The following DAPK1 variants were observed in gnomAD, a reference collection of about 807,000 sequenced individuals.
The protein encoded by DAPK1 is death associated protein kinase 1, also known as death-associated protein kinase 1.
DAPK1 carries 56 observed loss-of-function variants against 144.9 expected under a neutral mutation model. The observed-to-expected ratio is 0.39, with a 90% CI of 0.31 to 0.48. The LOEUF is 0.48. Among genes scored for constraint, DAPK1 ranks in the 20% least tolerant of loss-of-function variants. The probability of loss-of-function intolerance (pLI) is 0.95; values close to 1 mark genes in which losing one functional copy is unlikely to be tolerated. For missense variants in DAPK1, 1,454 were observed against 1,875.4 expected (o/e 0.78, Z 4.15); for synonymous variants, 690 against 749.0 (o/e 0.92, Z 1.29).
intron 2 of DAPK1, among the ~76,000 whole-genome samples, chr9:87,578,234 C>A (rs1408643896): frequency 6.6e-6 from 1 of 152,104 alleles, no homozygotes. Flanking sequence ...TCTATATGTC[C>A]TTTTTAATAG....
chr9:87,623,286 T>A (rs1420348771), intron 3 of DAPK1, among the ~76,000 whole-genome samples: 1 of 152,360 alleles, frequency 6.6e-6, no homozygotes, highest in Non-Finnish European at 1.5e-5. Flanking sequence ...TTTTCACTTA[T>A]GAATGAAAGT....
At chr9:87,589,055 A>ATT (rs35875159) in intron 2 of DAPK1, among the ~76,000 whole-genome samples, 2,703 of 101,094 alleles carry the variant, frequency 0.027, 104 homozygotes, top group African/African-American at 0.1. Flanking sequence ...CGCCCGGCTA[A>ATT]TTTTTTTTTT....
rs1824451700 is a variant in DAPK1 at position 87,677,787 on chromosome 9, TGGGTATAGC to T, written c.2002-3616_2002-3608del. ...TCAGGTGCTCATGCATGGCATGGTG[TGGGTATAGC>T]CTTGGACTCACAAGGAAGACCCAGG... On this transcript the variant is annotated intron_variant, in intron 19 of 25. Transcript: ENST00000408954. Among the ~76,000 whole-genome samples, 3 of 152,270 alleles carry T rather than the reference TGGGTATAGC, an allele frequency of 2.0e-5. No individual in the cohort carries two copies. In the South Asian group the frequency reaches 6.2e-4, roughly 32 times the overall value.
In DAPK1 at chr9:87,706,537, A is replaced by C; in HGVS notation, c.3466A>C (p.Ile1156Leu). 1 of 1,614,052 alleles carries C rather than the reference A, an allele frequency of 6.2e-7. No individual in the cohort carries two copies. Among genetic ancestry groups the C allele is most frequent in the East Asian group, 2.2e-5 (1 of 44,860 alleles). The change falls in exon 26 of 26, where the codon ATC becomes CTC. Residue 1156 changes from isoleucine (I) to leucine (L), a missense_variant. Ile to Leu is a conservative substitution (Grantham distance 5, BLOSUM62 2). Around this residue, in one of 2 missense-constraint regions of DAPK1, gnomAD observed 1,025 missense variants for 1,237.9 expected, o/e 0.83. Coordinates refer to ENST00000408954, the MANE Select transcript of DAPK1 (RefSeq NM_004938.4). This position sits in a 1 kb window ranked among gnomAD's most constrained non-coding sequence, Gnocchi z 9.0. ...HKVQVNLCRW[I>L]HQQSTEGDAD... Reference sequence around the variant, plus strand: ...GGTCCAGGTGAACCTGTGCCGGTGGATCCACCAGCAAAGCACAGAGGGCGA... The same window carrying C: ...GGTCCAGGTGAACCTGTGCCGGTGGCTCCACCAGCAAAGCACAGAGGGCGA...
rs181602261 is a variant in DAPK1 at position 87,563,181 on chromosome 9, C to T, written c.63-41773C>T. ...TAACTGTACCTTCCGGCATTCTTTC[C>T]TGGTAAACTCCAATTTCTAAGTTTA... On this transcript the variant is annotated intron_variant, in intron 2 of 25. Transcript: ENST00000408954. Among the ~76,000 whole-genome samples the T allele has an allele frequency of 2.7e-3, 418 of 152,296 alleles. 4 individuals carry two copies. Among genetic ancestry groups the T allele is most frequent in the African/African-American group, 9.8e-3 (409 of 41,572 alleles).
chr9:87,601,228 G>T (rs568828518), intron 2 of DAPK1, among the ~76,000 whole-genome samples: 4 of 152,226 alleles, frequency 2.6e-5, no homozygotes, highest in African/African-American at 7.2e-5. Context: ...CCAGGAGTCT[G>T]TCCTCACAGT....
chr9:87,523,571 A>G (rs1028229816), intron 2 of DAPK1, among the ~76,000 whole-genome samples: 2 of 152,162 alleles, frequency 1.3e-5, no homozygotes, highest in African/African-American at 4.8e-5. Context: ...AAGTGTTGGG[A>G]TTACAGATGT....
In DAPK1 at chr9:87,640,953, G is replaced by T; in HGVS notation, c.828+106G>T. 5.4e-6 allele frequency: 6 copies of T among 1,100,932 alleles called. No homozygotes were observed. The South Asian group carries it at 7.5e-5, about 14-fold the overall frequency. 68.2% of individuals were successfully genotyped at this position (1,100,932 alleles called of 1,614,324 possible). On this transcript the variant is annotated intron_variant, in intron 9 of 25. Coordinates refer to ENST00000408954, the MANE Select transcript of DAPK1 (RefSeq NM_004938.4). Reference sequence around the variant, plus strand: ...TACTGCTAACCACAGGTCACACCTGGAGTGTTAAGTTTGCTATTTGCATCG... The same window carrying T: ...TACTGCTAACCACAGGTCACACCTGTAGTGTTAAGTTTGCTATTTGCATCG...
In DAPK1 at chr9:87,707,769, AATGTGT is replaced by A. The variant is rs1825693948; in HGVS notation, c.*408_*413del. 1.1e-5 allele frequency: 5 copies of A among 448,486 alleles called. No homozygotes were observed. The highest frequency in any genetic ancestry group is 3.5e-4 in the Middle Eastern group (1 of 2,822). The allele number at this position is 448,486 out of a possible 1,614,324, so 27.8% of individuals were successfully genotyped here. A position where few individuals can be genotyped will look rare whatever the true frequency, so the allele number is the denominator to read the frequency against. On this transcript the variant is annotated 3_prime_UTR_variant, in exon 26 of 26. Transcript: ENST00000408954. This position sits in a 1 kb window ranked among gnomAD's most constrained non-coding sequence, Gnocchi z 4.0. ...AAAAGAAAAGTGCATATTTATCCAA[AATGTGT>A]ATTTCTTATACGCTTTTCTTTGTTA... is the stretch of plus-strand genomic sequence containing the variant.
At chr9:87,551,057 C>A (rs914388545) in intron 2 of DAPK1, among the ~76,000 whole-genome samples, 2 of 152,190 alleles carry the variant, frequency 1.3e-5, no homozygotes, top group Non-Finnish European at 2.9e-5. Flanking sequence ...GATGGCTCTT[C>A]CCCAGTGCTG....
rs746601443 is a variant in DAPK1 at position 87,698,832 on chromosome 9, C to T, written c.2750+38C>T. The T allele has an allele frequency of 3.0e-6, 4 of 1,347,926 alleles. No homozygotes were observed. The South Asian group carries it at 3.6e-5, about 12-fold the overall frequency. 83.5% of individuals were successfully genotyped at this position (1,347,926 alleles called of 1,614,324 possible). A position where few individuals can be genotyped will look rare whatever the true frequency, so the allele number is the denominator to read the frequency against. On this transcript the variant is annotated intron_variant, in intron 23 of 25. Coordinates refer to ENST00000408954, the MANE Select transcript of DAPK1 (RefSeq NM_004938.4). ...CACTTAGTCTCCAGCTCACGGGTAG[C>T]CTCCTCTCCCTGAGAACTGAAGCAG...
chr9:87,605,265 G>A (rs13288504), intron 3 of DAPK1, 90 bp downstream of exon 3: 130,642 of 1,060,600 alleles, frequency 0.12, 8,774 homozygotes, highest in East Asian at 0.22. Flanking sequence ...CAGCGAGCCC[G>A]AGAGAGGGAT....
intron 25 of DAPK1, among the ~76,000 whole-genome samples, chr9:87,705,239 A>T (rs1017067609): frequency 1.3e-4 from 18 of 133,576 alleles, no homozygotes; most frequent in Admixed American, 1.3e-3. Context: ...TTAATTAATT[A>T]ATTTTTTTTT....
intron 2 of DAPK1, among the ~76,000 whole-genome samples, chr9:87,525,839 T>C (rs1342412453): frequency 6.6e-6 from 1 of 152,210 alleles, no homozygotes; most frequent in Non-Finnish European, 1.5e-5. Flanking sequence ...GCTCAGTTGC[T>C]CTGAAGCTCA....
intron 2 of DAPK1, among the ~76,000 whole-genome samples, chr9:87,542,641 C>T (rs1826096566): frequency 6.6e-6 from 1 of 152,206 alleles, no homozygotes; most frequent in Admixed American, 6.6e-5. Context: ...GCTCACCAAA[C>T]CCTCTGAGGT....
intron 21 of DAPK1, among the ~76,000 whole-genome samples, chr9:87,694,921 C>T (rs962626256): frequency 3.3e-5 from 5 of 152,206 alleles, no homozygotes; most frequent in African/African-American, 1.2e-4. Flanking sequence ...GCAATACTGT[C>T]ATGCAGTCTC....
At position 87,630,694 on chromosome 9, in the gene DAPK1, G is replaced by A. The variant is rs142239010; in HGVS notation, c.285-7249G>A. Among the ~76,000 whole-genome samples, 163 of 152,302 alleles carry A rather than the reference G, an allele frequency of 1.1e-3. 1 individual carries two copies. Among genetic ancestry groups the A allele is most frequent in the Non-Finnish European group, 1.4e-3 (95 of 68,032 alleles). ...TAGTTGTGGGCCTGCAAGAAACAGGGTAGTATGGTGGGAACACAACCGAGG... is the reference window on the plus strand; with the variant it reads ...TAGTTGTGGGCCTGCAAGAAACAGGATAGTATGGTGGGAACACAACCGAGG... On this transcript the variant is annotated intron_variant, in intron 3 of 25. Transcript: ENST00000408954.
Position 87,686,859 on chromosome 9 carries a change from A to C in DAPK1, c.2413+120A>C. 7.0e-7 allele frequency: 1 copy of C among 1,428,884 alleles called. No individual in the cohort carries two copies. Among genetic ancestry groups the C allele is most frequent in the East Asian group, 2.5e-5 (1 of 39,918 alleles). 88.5% of individuals were successfully genotyped at this position (1,428,884 alleles called of 1,614,324 possible). A position where few individuals can be genotyped will look rare whatever the true frequency, so the allele number is the denominator to read the frequency against. On this transcript the variant is annotated intron_variant, in intron 21 of 25. Transcript: ENST00000408954. The surrounding 1 kb of genome is among the most constrained non-coding windows in gnomAD (Gnocchi z 4.2). ...TCACTTCCAGAAGGAAATCCAACACAGACTGATATTCAGAGTGAGCCAGGA... is the reference window on the plus strand; with the variant it reads ...TCACTTCCAGAAGGAAATCCAACACCGACTGATATTCAGAGTGAGCCAGGA...
chr9:87,596,741 G>T (rs1330783272), intron 2 of DAPK1, among the ~76,000 whole-genome samples: 2 of 152,176 alleles, frequency 1.3e-5, no homozygotes, highest in East Asian at 3.8e-4. Context: ...GGGGCGATCT[G>T]TTAAACCCAC....
Sources: gnomAD v4.1 joint callset for allele counts (sites outside exome capture counted in the v4.1 genomes callset) on GRCh38, gnomAD v4.1.1 for gene constraint, gnomAD v4.1.1 regional missense constraint, Gnocchi (gnomAD v3.1) non-coding constraint, MANE v1.5 for transcripts, NCBI Gene and HGNC (gene_info 2026-07-23, HGNC 2026-07-21) for gene names.